The following SLX4 variants were observed in gnomAD, a reference collection of about 807,000 sequenced individuals.
SLX4 encodes structure-specific endonuclease subunit SLX4.
SLX4 carries 112 observed loss-of-function variants against 146.2 expected under a neutral mutation model. The observed-to-expected ratio is 0.77, with a 90% CI of 0.66 to 0.90. The LOEUF (loss-of-function observed/expected upper bound fraction) is 0.90. SLX4 is among the 40% of genes least tolerant of loss of function. SLX4 has a pLI of 0.00. For missense variants in SLX4, 2,563 were observed against 2,392.7 expected (o/e 1.07, Z -1.49); for synonymous variants, 1,061 against 997.7 (o/e 1.06, Z -1.20).
chr16:3,598,536 C>A (rs182977070), intron 5 of SLX4, among the ~76,000 whole-genome samples: 1 of 152,184 alleles, frequency 6.6e-6, no homozygotes, highest in Non-Finnish European at 1.5e-5. Flanking sequence ...GCACTTTCAA[C>A]GGGCAGCAGC....
At chr16:3,595,360 C>T (rs1466416374) in intron 9 of SLX4, among the ~76,000 whole-genome samples, 3 of 152,234 alleles carry the variant, frequency 2.0e-5, no homozygotes, top group Non-Finnish European at 2.9e-5. Context: ...CAAGGTGCCC[C>T]ATGGAGTCAC....
At chr16:3,595,212 G>T (rs540371919) in intron 9 of SLX4, among the ~76,000 whole-genome samples, 2 of 152,346 alleles carry the variant, frequency 1.3e-5, no homozygotes, top group East Asian at 3.9e-4. Context: ...ACAGAGGGGA[G>T]GGAGAGCAAG....
chr16:3,602,948 G>A (rs909639678), intron 3 of SLX4, among the ~76,000 whole-genome samples: 1 of 152,172 alleles, frequency 6.6e-6, no homozygotes, highest in Non-Finnish European at 1.5e-5. Context: ...CAAGGGATAT[G>A]CCCTGAACGC....
intron 12 of SLX4, among the ~76,000 whole-genome samples, chr16:3,585,312 C>T (rs577349752): frequency 2.6e-5 from 4 of 152,210 alleles, no homozygotes; most frequent in Middle Eastern, 3.4e-3. Context: ...AGGGGCCGGG[C>T]GCGGTGGCTC....
intron 1 of SLX4, 140 bp downstream of exon 1, chr16:3,611,420 G>A (rs932713343): frequency 6.6e-6 from 1 of 152,276 alleles, no homozygotes; most frequent in Non-Finnish European, 1.5e-5. Flanking sequence ...CGGGGCTGCG[G>A]GCCTGCCGAG....
At chr16:3,588,935 T>G in intron 12 of SLX4, 67 bp downstream of exon 12, 1 of 1,602,328 alleles carries the variant, frequency 6.2e-7, no homozygotes. Context: ...ATGACTGATC[T>G]TCCCACCCTC....
chr16:3,601,626 C>T (rs2040728244), intron 4 of SLX4: 2 of 315,404 alleles, frequency 6.3e-6, no homozygotes, highest in Non-Finnish European at 1.2e-5. Flanking sequence ...TCTAGCCATA[C>T]AATGAGATAC....
chr16:3,582,271 C>G lies in SLX4; in HGVS notation c.*71G>C, dbSNP rs1201451006. ...GAGGCCTGACCCACGCTGGGTGTCC[C>G]AGGTCCTCCCTGCAAATGGCGGGGG... On this transcript the variant is annotated 3_prime_UTR_variant, in exon 15 of 15. Coordinates refer to ENST00000294008, the MANE Select transcript of SLX4 (RefSeq NM_032444.4). 5 of 1,404,680 alleles carry G rather than the reference C, an allele frequency of 3.6e-6. No homozygotes were observed. Among genetic ancestry groups the G allele is most frequent in the Non-Finnish European group, 4.9e-6 (5 of 1,021,908 alleles). The allele number at this position is 1,404,680 out of a possible 1,614,324, so 87.0% of individuals were successfully genotyped here.
At position 3,590,795 on chromosome 16, in the gene SLX4, G is replaced by A. The variant is rs781462011; in HGVS notation, c.2843C>T (p.Ala948Val). 1.2e-5 allele frequency: 19 copies of A among 1,613,878 alleles called. No individual in the cohort carries two copies. The highest frequency in any genetic ancestry group is 5.5e-5 in the South Asian group (5 of 91,086). The part of the protein sequence containing the change: ...ARGAEAPEQE[A>V]PEEALGHSSC... ...GGAATGGCCAAGCGCCTCCTCTGGC[G>A]CCTCCTGCTCAGGGGCCTCTGCTCC... Residue 948 changes from alanine (A) to valine (V), a missense_variant, in exon 12 of 15, where the codon GCG becomes GTG. Coordinates refer to ENST00000294008, the MANE Select transcript of SLX4 (RefSeq NM_032444.4). The surrounding 1 kb of genome is among the most constrained non-coding windows in gnomAD (Gnocchi z 4.8).
At chr16:3,598,488 G>A (rs2040691042) in intron 5 of SLX4, among the ~76,000 whole-genome samples, 1 of 152,234 alleles carries the variant, frequency 6.6e-6, no homozygotes, top group African/African-American at 2.4e-5. Context: ...AGCTTAGGCT[G>A]CCGATGGTCA....
intron 5 of SLX4, 89 bp downstream of exon 5, chr16:3,600,890 C>G: frequency 7.1e-7 from 1 of 1,412,832 alleles, no homozygotes; most frequent in Non-Finnish European, 9.8e-7. Flanking sequence ...ACTACTGCGT[C>G]CAGCCCATAA....
At chr16:3,596,667 G>T (rs1483994867) in intron 7 of SLX4, among the ~76,000 whole-genome samples, 2 of 152,216 alleles carry the variant, frequency 1.3e-5, no homozygotes, top group African/African-American at 4.8e-5. Context: ...GGCCAGGGGG[G>T]CCCAGGCCTG....
At position 3,598,003 on chromosome 16, in the gene SLX4, G is replaced by T. The variant is rs776932958; in HGVS notation, c.1164-4C>A. ...ACCTCTACTGTGATCACTGAAGCTA[G>T]AAAACAGCCAAAGAGAAAAGTTACT... is the stretch of plus-strand genomic sequence containing the variant. On this transcript the variant is annotated splice_region_variant and splice_polypyrimidine_tract_variant and intron_variant, in intron 5 of 14. Transcript: ENST00000294008. The T allele has an allele frequency of 2.5e-6, 4 of 1,614,138 alleles. No homozygotes were observed. In the South Asian group the frequency reaches 3.3e-5, roughly 13 times the overall value.
chr16:3,601,348 C>T, intron 4 of SLX4, 157 bp from the exon 5 acceptor site: 1 of 727,050 alleles, frequency 1.4e-6, no homozygotes, highest in Non-Finnish European at 2.4e-6. Flanking sequence ...GGCAGTCAGC[C>T]CCTAGACACT....
Position 3,583,188 on chromosome 16 carries a change from G to C in SLX4, c.5062C>G (p.Pro1688Ala). 1 of 1,614,244 alleles carries C rather than the reference G, an allele frequency of 6.2e-7. No homozygotes were observed. The highest frequency in any genetic ancestry group is 8.5e-7 in the Non-Finnish European group (1 of 1,180,044). Reference protein sequence around the residue: ...PSRSPTKEAPPGLNDDAQIPA... With the variant: ...PSRSPTKEAPAGLNDDAQIPA... ...ATCTGGGCGTCATCATTGAGGCCTG[G>C]AGGTGCCTCCTTGGTGGGCGACCTG... The change falls in exon 14 of 15, where the codon CCA (proline) becomes GCA (alanine). Residue 1688 changes from proline to alanine, a missense_variant. Coordinates refer to ENST00000294008, the MANE Select transcript of SLX4 (RefSeq NM_032444.4).
At chr16:3,592,222 A>G (rs1350939935) in intron 11 of SLX4, among the ~76,000 whole-genome samples, 1 of 152,122 alleles carries the variant, frequency 6.6e-6, no homozygotes, top group African/African-American at 2.4e-5. Context: ...GAGGCACAAC[A>G]CTTGTCCCTC....
chr16:3,582,489 C>T lies in SLX4; in HGVS notation c.5358G>A (p.Arg1786=). The T allele has an allele frequency of 6.2e-7, 1 of 1,614,054 alleles. No homozygotes were observed. The highest frequency in any genetic ancestry group is 1.7e-5 in the Admixed American group (1 of 60,028). Residue 1786 remains arginine (R), a synonymous_variant, in exon 15 of 15, where the codon AGG becomes AGA. Transcript: ENST00000294008. ...GCGAGGACACACGGAGGCCGTTCTG[C>T]CTCAGCTCTGCCTGCAGCTCCCGCA... ...FELRELQAEL[R]QNGLRVSSRR...
Position 3,594,575 on chromosome 16 carries a change from C to G in SLX4, c.2038G>C (p.Asp680His), listed in dbSNP as rs1041739465. The G allele has an allele frequency of 1.9e-6, 3 of 1,613,964 alleles. No individual in the cohort carries two copies. The highest frequency in any genetic ancestry group is 2.5e-6 in the Non-Finnish European group (3 of 1,179,992). ...TLLSLGLLVA[D>H]FGAMVNNPHL... ...GGGTTATTGACCATGGCGCCAAAGTCAGCAACCAGCAGCCCGAGGGAGAGC... is the reference window on the plus strand; with the variant it reads ...GGGTTATTGACCATGGCGCCAAAGTGAGCAACCAGCAGCCCGAGGGAGAGC... The change falls in exon 10 of 15, where the codon GAC (aspartate) becomes CAC (histidine). Residue 680 changes from aspartate (D) to histidine (H), a missense_variant. Asp to His is a moderately conservative substitution (Grantham distance 81, BLOSUM62 -1). Transcript: ENST00000294008.
chr16:3,582,744 T>C (rs1352834386), intron 14 of SLX4, 51 bp from the exon 15 acceptor site: 14 of 1,489,910 alleles, frequency 9.4e-6, no homozygotes, highest in African/African-American at 4.1e-5. Context: ...CTCCAGCCCC[T>C]GAGACCATGA....
Sources: gnomAD v4.1 joint callset for allele counts (sites outside exome capture counted in the v4.1 genomes callset) on GRCh38, gnomAD v4.1.1 for gene constraint, Gnocchi (gnomAD v3.1) non-coding constraint, MANE v1.5 for transcripts, NCBI Gene and HGNC (gene_info 2026-07-23, HGNC 2026-07-21) for gene names.